The following QTMAN variants were observed in gnomAD, a reference collection of about 807,000 sequenced individuals.
QTMAN encodes the protein tRNA-queuosine alpha-mannosyltransferase.
chr2:144,005,027 T>A, the QTMAN span, among the ~76,000 whole-genome samples: 10 of 152,150 alleles, frequency 6.6e-5, no homozygotes, highest in East Asian at 1.9e-4. Context: ...ATATTTTTTT[T>A]ATGCTGTGCT....
chr2:144,310,568 T>C, the QTMAN span, among the ~76,000 whole-genome samples: 1 of 152,184 alleles, frequency 6.6e-6, no homozygotes, highest in East Asian at 1.9e-4. Context: ...GCTACTAAAA[T>C]AATCCAAGTA....
chr2:144,109,119 G>T, the QTMAN span, among the ~76,000 whole-genome samples: 26 of 152,166 alleles, frequency 1.7e-4, no homozygotes, highest in Non-Finnish European at 2.1e-4. Context: ...AAATCTGGAG[G>T]CATCATGCTA....
the QTMAN span, among the ~76,000 whole-genome samples, chr2:144,253,625 C>T: frequency 1.3e-5 from 2 of 152,038 alleles, no homozygotes; most frequent in Non-Finnish European, 2.9e-5. Context: ...TTTGTCCCTG[C>T]CCTAGACATC....
chr2:143,945,523 A>G, the QTMAN span: 1 of 152,362 alleles, frequency 6.6e-6, no homozygotes, highest in African/African-American at 2.4e-5. Context: ...CTCTCTTCCA[A>G]GGGCTTTGTC....
chr2:144,149,125 C>T, the QTMAN span, among the ~76,000 whole-genome samples: 1 of 151,900 alleles, frequency 6.6e-6, no homozygotes, highest in South Asian at 2.1e-4. Context: ...TGAATGACAT[C>T]ACTTGATCAG....
At chr2:144,283,234 C>T in the QTMAN span, among the ~76,000 whole-genome samples, 7 of 152,118 alleles carry the variant, frequency 4.6e-5, no homozygotes, top group African/African-American at 1.2e-4. Flanking sequence ...AAGTGGGGGA[C>T]AATCTTGTGG....
chr2:144,273,501 T>C, the QTMAN span, among the ~76,000 whole-genome samples: 3 of 152,110 alleles, frequency 2.0e-5, no homozygotes, highest in African/African-American at 4.8e-5. Flanking sequence ...GTCTGACCAT[T>C]ATCCCAGGAC....
At chr2:144,330,216 G>A in the QTMAN span, among the ~76,000 whole-genome samples, 3 of 152,254 alleles carry the variant, frequency 2.0e-5, no homozygotes, top group Non-Finnish European at 4.4e-5. Flanking sequence ...TTATAATACC[G>A]TATTTTTACT....
the QTMAN span, among the ~76,000 whole-genome samples, chr2:144,057,608 T>C: frequency 6.6e-6 from 1 of 152,222 alleles, no homozygotes; most frequent in Non-Finnish European, 1.5e-5. Context: ...AATTTGACCA[T>C]AGTGGGTTTC....
the QTMAN span, among the ~76,000 whole-genome samples, chr2:144,018,900 C>A: frequency 2.6e-5 from 4 of 152,310 alleles, no homozygotes; most frequent in Non-Finnish European, 4.4e-5. Context: ...AGAAGCTGAT[C>A]TTCAGCTGTG....
the QTMAN span, among the ~76,000 whole-genome samples, chr2:144,108,690 A>G: frequency 6.6e-6 from 1 of 152,092 alleles, no homozygotes; most frequent in African/African-American, 2.4e-5. Flanking sequence ...AATCTCCTTA[A>G]GCTGATAAGC....
At chr2:144,100,519 T>C in the QTMAN span, among the ~76,000 whole-genome samples, 6,895 of 152,284 alleles carry the variant, frequency 0.045, 271 homozygotes, top group East Asian at 0.18. Flanking sequence ...TTGAATTGAA[T>C]TGGGGCTAAA....
At chr2:143,960,184 A>G in the QTMAN span, among the ~76,000 whole-genome samples, 35 of 152,138 alleles carry the variant, frequency 2.3e-4, no homozygotes, top group Non-Finnish European at 4.7e-4. Flanking sequence ...TACAACTGCC[A>G]TTATTCTCAA....
chr2:144,141,589 A>G, the QTMAN span, among the ~76,000 whole-genome samples: 2 of 141,226 alleles, frequency 1.4e-5, no homozygotes, highest in African/African-American at 2.6e-5. Context: ...CTTCTGTAAC[A>G]AAAAAAAAAA....
chr2:144,255,397 T>C, the QTMAN span, among the ~76,000 whole-genome samples: 12 of 152,264 alleles, frequency 7.9e-5, no homozygotes, highest in South Asian at 8.3e-4. Context: ...CACTTCTCTC[T>C]TTGGCCGTGA....
chr2:144,262,776 T>G, the QTMAN span, among the ~76,000 whole-genome samples: 15 of 13,108 alleles, frequency 1.1e-3, no homozygotes, highest in Non-Finnish European at 1.7e-3. Flanking sequence ...AGAGATGGAA[T>G]GGGAGGGGAG....
chr2:144,142,056 C>T, the QTMAN span: 1 of 1,607,190 alleles, frequency 6.2e-7, no homozygotes, highest in Non-Finnish European at 8.5e-7. Context: ...AGCCACCAGG[C>T]TGTAAAGGTA....
the QTMAN span, among the ~76,000 whole-genome samples, chr2:144,284,339 A>G: frequency 6.6e-6 from 1 of 152,148 alleles, no homozygotes; most frequent in Non-Finnish European, 1.5e-5. Context: ...GAAAAAAATC[A>G]TAAAAATCTT....
At chr2:144,225,168 T>C in the QTMAN span, among the ~76,000 whole-genome samples, 1 of 152,172 alleles carries the variant, frequency 6.6e-6, no homozygotes, top group South Asian at 2.1e-4. Flanking sequence ...GAAGGAAGAC[T>C]CAAAATTGGA....
Sources: allele counts gnomAD v4.1 joint callset (sites outside exome capture counted in the v4.1 genomes callset), GRCh38; gene constraint gnomAD v4.1.1; transcripts MANE v1.5; gene names NCBI Gene and HGNC (gene_info 2026-07-23, HGNC 2026-07-21).